The following AQP9 variants were observed in gnomAD, a reference collection of about 807,000 sequenced individuals.
AQP9 encodes the protein aquaporin-9.
A neutral mutation model predicts 23.8 loss-of-function variants in AQP9; 19 were observed. That is an observed-to-expected ratio of 0.80 (90% CI 0.56 to 1.17). The LOEUF (loss-of-function observed/expected upper bound fraction) is 1.17. Ranked by LOEUF, AQP9 falls within the 50% of genes most tolerant of loss-of-function variation. The pLI, the probability that AQP9 is intolerant of heterozygous loss-of-function variation, is 0.00. For missense variants in AQP9, 413 were observed against 362.0 expected (o/e 1.14, Z -1.14); for synonymous variants, 153 against 131.5 (o/e 1.16, Z -1.12).
chr15:58,149,191 C>T (rs2140591339), intron 1 of AQP9, among the ~76,000 whole-genome samples: 1 of 152,300 alleles, frequency 6.6e-6, no homozygotes, highest in African/African-American at 2.4e-5. Context: ...ACAGGAGGAA[C>T]ACTGGGATGG....
At chr15:58,163,468 C>G (rs1265919375) in intron 1 of AQP9, among the ~76,000 whole-genome samples, 1 of 152,058 alleles carries the variant, frequency 6.6e-6, no homozygotes, top group Non-Finnish European at 1.5e-5. Flanking sequence ...TGGAAAGGAA[C>G]CCAAGAGATT....
At chr15:58,177,210 G>T (rs1223165661) in intron 4 of AQP9, among the ~76,000 whole-genome samples, 3 of 152,140 alleles carry the variant, frequency 2.0e-5, no homozygotes, top group African/African-American at 7.2e-5. Flanking sequence ...TACTCTTCAA[G>T]CATATTCCTT....
chr15:58,180,569 C>T (rs1246144936), intron 5 of AQP9, among the ~76,000 whole-genome samples: 1 of 152,144 alleles, frequency 6.6e-6, no homozygotes, highest in Non-Finnish European at 1.5e-5. Context: ...ATGTGACGGA[C>T]ACTTCCTAGG....
chr15:58,141,489 CT>C (rs1897952792), intron 1 of AQP9, among the ~76,000 whole-genome samples: 1 of 152,210 alleles, frequency 6.6e-6, no homozygotes, highest in Non-Finnish European at 1.5e-5. Flanking sequence ...GCAAGTACTT[CT>C]GCTAAAAGTA....
intron 2 of AQP9, among the ~76,000 whole-genome samples, chr15:58,168,506 A>T (rs1213596732): frequency 3.3e-5 from 5 of 152,058 alleles, no homozygotes; most frequent in Admixed American, 6.5e-5. Context: ...TGGGCTGTGC[A>T]TCCGGAATGG....
At chr15:58,138,903 G>C in intron 1 of AQP9, 1 of 453,970 alleles carries the variant, frequency 2.2e-6, no homozygotes, top group Non-Finnish European at 4.0e-6. Context: ...GGGAATGGAA[G>C]AGAAGGAGTG....
At chr15:58,143,266 C>T (rs1024899125) in intron 1 of AQP9, among the ~76,000 whole-genome samples, 4 of 152,168 alleles carry the variant, frequency 2.6e-5, no homozygotes, top group South Asian at 4.1e-4. Context: ...GGGGATTCTC[C>T]TTAGATCCTT....
chr15:58,173,046 C>T (rs1186808131), intron 2 of AQP9, 22 bp from the exon 3 acceptor site: 3 of 1,613,584 alleles, frequency 1.9e-6, no homozygotes, highest in Middle Eastern at 1.6e-4. Flanking sequence ...TGCCCTCTCA[C>T]TTCTCCAATC....
chr15:58,176,654 A>C (rs1388596010), intron 4 of AQP9, among the ~76,000 whole-genome samples: 1 of 145,970 alleles, frequency 6.9e-6, no homozygotes, highest in African/African-American at 2.6e-5. Flanking sequence ...CTGTTGCCCC[A>C]GGCTGGAGTG....
chr15:58,161,412 T>C (rs574001807), intron 1 of AQP9, among the ~76,000 whole-genome samples: 1 of 152,306 alleles, frequency 6.6e-6, no homozygotes, highest in African/African-American at 2.4e-5. Flanking sequence ...CATTTATCTT[T>C]CTATTTTCTA....
intron 1 of AQP9, among the ~76,000 whole-genome samples, chr15:58,143,035 G>A (rs1288885972): frequency 6.6e-6 from 1 of 152,138 alleles, no homozygotes; most frequent in Non-Finnish European, 1.5e-5. Flanking sequence ...TCATTCAATT[G>A]AGAGAACAGA....
At position 58,185,884 on chromosome 15, in the gene AQP9, T is replaced by G. The variant is rs1899020654; in HGVS notation, c.*1749T>G. The stretch of plus-strand genomic sequence containing the variant: ...TTGAAGCTACCTGGATATTTCCTAT[T>G]TGAAATAAAATTGTTCGGTCATTGT... On this transcript the variant is annotated 3_prime_UTR_variant, in exon 6 of 6. Coordinates refer to ENST00000219919, the MANE Select transcript of AQP9 (RefSeq NM_020980.5). The G allele has an allele frequency of 6.6e-6, 1 of 152,252 alleles. No individual in the cohort carries two copies. The highest frequency in any genetic ancestry group is 2.1e-4 in the South Asian group (1 of 4,832). 9.4% of individuals were successfully genotyped at this position (152,252 alleles called of 1,614,324 possible).
intron 1 of AQP9, among the ~76,000 whole-genome samples, chr15:58,141,813 T>G (rs1897957283): frequency 6.6e-6 from 1 of 152,216 alleles, no homozygotes; most frequent in African/African-American, 2.4e-5. Flanking sequence ...ATTACAAAGT[T>G]TGTTCAGATC....
intron 1 of AQP9, chr15:58,155,561 C>A (rs1898235864): frequency 6.6e-6 from 1 of 152,160 alleles, no homozygotes; most frequent in African/African-American, 2.4e-5. Flanking sequence ...TTTGTTCTTA[C>A]ATGAAACAGG....
chr15:58,140,406 T>C (rs1897932062), intron 1 of AQP9, among the ~76,000 whole-genome samples: 1 of 152,214 alleles, frequency 6.6e-6, no homozygotes, highest in African/African-American at 2.4e-5. Flanking sequence ...TTAAAACTTG[T>C]ATGTTCTGGA....
At chr15:58,143,039 G>A (rs1428353565) in intron 1 of AQP9, among the ~76,000 whole-genome samples, 1 of 152,172 alleles carries the variant, frequency 6.6e-6, no homozygotes, top group Non-Finnish European at 1.5e-5. Context: ...TCAATTGAGA[G>A]AACAGACACC....
chr15:58,161,226 G>T (rs150574542), intron 1 of AQP9, among the ~76,000 whole-genome samples: 1,623 of 152,140 alleles, frequency 0.011, 17 homozygotes, highest in South Asian at 0.023. Flanking sequence ...GGAGAGAAGG[G>T]GAAGGAATAA....
At chr15:58,183,070 T>C (rs1898928337) in intron 5 of AQP9, among the ~76,000 whole-genome samples, 1 of 152,226 alleles carries the variant, frequency 6.6e-6, no homozygotes. Context: ...TATGGGTCCT[T>C]CTAGAATCCA....
intron 1 of AQP9, among the ~76,000 whole-genome samples, chr15:58,160,817 C>T (rs1595735527): frequency 6.6e-6 from 1 of 152,222 alleles, no homozygotes; most frequent in East Asian, 1.9e-4. Context: ...AGGATTTCAG[C>T]TCATCATTAA....
Sources: gnomAD v4.1 joint callset for allele counts (sites outside exome capture counted in the v4.1 genomes callset) on GRCh38, gnomAD v4.1.1 for gene constraint, MANE v1.5 for transcripts, NCBI Gene and HGNC (gene_info 2026-07-23, HGNC 2026-07-21) for gene names.